Variants in PLD5 observed in about 807,000 individuals in gnomAD.
The protein encoded by PLD5 is inactive phospholipase D5.
A neutral mutation model predicts 61.1 loss-of-function variants in PLD5; 36 were observed. The ratio of observed to expected loss-of-function variants is 0.59; its 90% confidence interval spans 0.45 to 0.78. The LOEUF (loss-of-function observed/expected upper bound fraction) is 0.78. PLD5 is among the 30% of genes least tolerant of loss of function. The pLI, the probability that PLD5 is intolerant of heterozygous loss-of-function variation, is 0.00. For synonymous variants in PLD5, 243 were observed against 242.8 expected (o/e 1.00, Z -0.01); for missense variants, 515 against 644.4 (o/e 0.80, Z 2.17).
At chr1:242,213,186 C>G (rs1669937292) in intron 5 of PLD5, among the ~76,000 whole-genome samples, 1 of 152,090 alleles carries the variant, frequency 6.6e-6, no homozygotes, top group Admixed American at 6.5e-5. Flanking sequence ...ATTCCCCTAG[C>G]AGAACAGGAC....
At chr1:242,347,020 T>C (rs571125330) in intron 2 of PLD5, among the ~76,000 whole-genome samples, 1 of 152,356 alleles carries the variant, frequency 6.6e-6, no homozygotes, top group African/African-American at 2.4e-5. Context: ...TATTATGGAA[T>C]ACCTTTCTAA....
rs2149209804 is a variant in PLD5 at position 242,338,180 on chromosome 1, A to C, written c.326+9926T>G. Among the ~76,000 whole-genome samples the C allele has an allele frequency of 3.9e-5, 6 of 152,268 alleles. No homozygotes were observed. The South Asian group carries it at 1.2e-3, about 32-fold the overall frequency. On this transcript the variant is annotated intron_variant, in intron 2 of 9. Coordinates refer to ENST00000536534, the MANE Select transcript of PLD5 (RefSeq NM_001372062.1). ...GGAAGTTCTGATTAGGAAAATTTCT[A>C]ATTACAGGTCTATAACCAAAATATA...
At chr1:242,140,736 C>T (rs1392390510) in intron 5 of PLD5, among the ~76,000 whole-genome samples, 3 of 128,194 alleles carry the variant, frequency 2.3e-5, no homozygotes, top group South Asian at 2.4e-4. Flanking sequence ...GTTGCTACAT[C>T]GTTAAATTTT....
At chr1:242,428,737 T>C (rs1665564451) in intron 1 of PLD5, among the ~76,000 whole-genome samples, 1 of 152,042 alleles carries the variant, frequency 6.6e-6, no homozygotes, top group South Asian at 2.1e-4. Flanking sequence ...AAAAAAACCT[T>C]GTAGAACCAA....
chr1:242,443,179 G>A (rs1666354243), intron 1 of PLD5, among the ~76,000 whole-genome samples: 1 of 151,856 alleles, frequency 6.6e-6, no homozygotes, highest in African/African-American at 2.4e-5. Context: ...TCCCTATCAG[G>A]TATTTTATCT....
intron 5 of PLD5, among the ~76,000 whole-genome samples, chr1:242,146,932 A>G (rs913800546): frequency 1.1e-4 from 17 of 152,326 alleles, no homozygotes; most frequent in African/African-American, 4.1e-4. Flanking sequence ...CATGTATTCA[A>G]AACTAATGTT....
chr1:242,093,721 G>A (rs1435091791), intron 9 of PLD5, among the ~76,000 whole-genome samples: 4 of 151,928 alleles, frequency 2.6e-5, no homozygotes, highest in Non-Finnish European at 2.9e-5. Flanking sequence ...CCGAGGTCAG[G>A]AGCATCATAG....
rs544150147 is a variant in PLD5, at chr1:242,093,441, A to G, written c.1355-3331T>C. 1.1e-3 allele frequency among the ~76,000 whole-genome samples: 173 copies of G among 152,316 alleles called. 1 individual carries two copies. The highest frequency in any genetic ancestry group is 4.0e-3 in the African/African-American group (166 of 41,556). On this transcript the variant is annotated intron_variant, in intron 9 of 9. Coordinates refer to ENST00000536534, the MANE Select transcript of PLD5 (RefSeq NM_001372062.1). Reference sequence around the variant, plus strand: ...GCCAGGCACTGTAACAAGGGCAGTCAATATATCATCTCATTACATTATTTC... The same window carrying G: ...GCCAGGCACTGTAACAAGGGCAGTCGATATATCATCTCATTACATTATTTC...
chr1:242,528,834 C>T (rs2103018952), upstream of PLD5, among the ~76,000 whole-genome samples: 1 of 152,272 alleles, frequency 6.6e-6, no homozygotes, highest in Non-Finnish European at 1.5e-5. Flanking sequence ...AAAAAAATCT[C>T]AAATATATAC....
intron 4 of PLD5, among the ~76,000 whole-genome samples, chr1:242,233,900 G>T (rs1157522285): frequency 1.3e-5 from 2 of 152,142 alleles, no homozygotes; most frequent in African/African-American, 2.4e-5. Context: ...TACTGGGGCG[G>T]AAAAGGAGCC....
intron 9 of PLD5, among the ~76,000 whole-genome samples, chr1:242,093,958 C>A (rs1574279874): frequency 6.6e-6 from 1 of 150,868 alleles, no homozygotes; most frequent in Non-Finnish European, 1.5e-5. Flanking sequence ...TAATTAGGCT[C>A]ATCTCAGGAA....
chr1:242,202,328 A>T (rs1300458085), intron 5 of PLD5, among the ~76,000 whole-genome samples: 1 of 152,208 alleles, frequency 6.6e-6, no homozygotes, highest in East Asian at 1.9e-4. Flanking sequence ...TTCCTCCCTG[A>T]CATGTGCTGA....
intron 1 of PLD5, among the ~76,000 whole-genome samples, chr1:242,480,334 C>T (rs74840804): frequency 0.043 from 6,584 of 152,032 alleles, 226 homozygotes; most frequent in Middle Eastern, 0.061. Context: ...AACTTTAAAC[C>T]CTATCTCACA....
At chr1:242,097,604 T>C (rs577882161) in intron 9 of PLD5, among the ~76,000 whole-genome samples, 295 of 152,354 alleles carry the variant, frequency 1.9e-3, no homozygotes, top group Admixed American at 3.3e-3. Flanking sequence ...GTTGTTTTTT[T>C]CTCGTAAATT....
At chr1:242,313,595 C>A (rs1457976335) in intron 2 of PLD5, among the ~76,000 whole-genome samples, 1 of 152,116 alleles carries the variant, frequency 6.6e-6, no homozygotes, top group Admixed American at 6.6e-5. Flanking sequence ...AGTAAAGGCA[C>A]CTTTTTCTCT....
chr1:242,288,021 C>T (rs2455534), intron 3 of PLD5, among the ~76,000 whole-genome samples: 1 of 152,152 alleles, frequency 6.6e-6, no homozygotes, highest in Non-Finnish European at 1.5e-5. Flanking sequence ...ACTGTAAACA[C>T]GCTAGTTGGG....
chr1:242,340,544 C>T (rs1257999417), intron 2 of PLD5, among the ~76,000 whole-genome samples: 5 of 151,102 alleles, frequency 3.3e-5, no homozygotes, highest in African/African-American at 9.7e-5. Flanking sequence ...TAAACTTCTG[C>T]CCCTTAATAA....
intron 5 of PLD5, among the ~76,000 whole-genome samples, chr1:242,148,612 G>T (rs994012864): frequency 5.3e-5 from 8 of 151,982 alleles, no homozygotes; most frequent in Admixed American, 2.6e-4. Flanking sequence ...TTTTCTAAAT[G>T]ACAAATACAA....
chr1:242,241,487 A>C (rs1672000297), intron 4 of PLD5, among the ~76,000 whole-genome samples: 1 of 152,186 alleles, frequency 6.6e-6, no homozygotes, highest in African/African-American at 2.4e-5. Context: ...AAATCTCATT[A>C]AAGGGAAGCT....
Sources: allele counts gnomAD v4.1 joint callset (sites outside exome capture counted in the v4.1 genomes callset), GRCh38; gene constraint gnomAD v4.1.1; transcripts MANE v1.5; gene names NCBI Gene and HGNC (gene_info 2026-07-23, HGNC 2026-07-21).